Variants in IRF5 observed in about 807,000 individuals in gnomAD.
IRF5 encodes the protein interferon regulatory factor 5.
IRF5 carries 24 observed loss-of-function variants against 55.1 expected under a neutral mutation model. The ratio of observed to expected loss-of-function variants is 0.44; its 90% CI spans 0.32 to 0.61. The LOEUF (loss-of-function observed/expected upper bound fraction) is 0.61, where lower values mean the gene tolerates loss of function less well. Among genes scored for constraint, IRF5 ranks in the 20% least tolerant of loss-of-function variants. The pLI is 0.07. For missense variants in IRF5, 499 were observed against 658.5 expected (o/e 0.76, Z 2.65); for synonymous variants, 258 against 260.2 (o/e 0.99, Z 0.08).
intron 2 of IRF5, among the ~76,000 whole-genome samples, chr7:128,943,531 T>A (rs897493182): frequency 1.6e-5 from 2 of 125,550 alleles, no homozygotes; most frequent in Non-Finnish European, 3.2e-5. Flanking sequence ...CATGCCACCA[T>A]GCCCAGCTAA....
intron 2 of IRF5, among the ~76,000 whole-genome samples, chr7:128,945,633 G>A (rs1796257242): frequency 6.6e-6 from 1 of 152,220 alleles, no homozygotes; most frequent in Non-Finnish European, 1.5e-5. Flanking sequence ...GCATCTCATA[G>A]CCCCTAGATT....
At position 128,947,554 on chromosome 7, in the gene IRF5, G is replaced by GC. The variant is rs750973385; in HGVS notation, c.787+20dup. ...CTGCCTCGTAAGGACCCATGGCTGG[G>GC]CACGGGGAAGCAGTGCTGGGGGATT... On this transcript the variant is annotated intron_variant, in intron 6 of 8. Transcript: ENST00000357234. This position sits in a 1 kb window ranked among gnomAD's most constrained non-coding sequence, Gnocchi z 6.5. 5 of 1,534,882 alleles carry GC rather than the reference G, an allele frequency of 3.3e-6. No homozygotes were observed. Among genetic ancestry groups the GC allele is most frequent in the Non-Finnish European group, 4.4e-6 (5 of 1,149,052 alleles).
At chr7:128,938,812 G>C (rs1282312650) in intron 1 of IRF5, among the ~76,000 whole-genome samples, 1 of 152,086 alleles carries the variant, frequency 6.6e-6, no homozygotes, top group Non-Finnish European at 1.5e-5. Flanking sequence ...GGGATGCGTG[G>C]GGAGATGGTT....
At chr7:128,945,766 T>G (rs1409217595) in intron 2 of IRF5, 79 bp from the exon 3 acceptor site, 9 of 1,363,420 alleles carry the variant, frequency 6.6e-6, no homozygotes, top group Non-Finnish European at 8.0e-6. Flanking sequence ...CACAGTAGAG[T>G]CTCCTATGGG....
At chr7:128,938,429 T>C (rs74317073) in intron 1 of IRF5, among the ~76,000 whole-genome samples, 6,934 of 152,060 alleles carry the variant, frequency 0.046, 219 homozygotes, top group Middle Eastern at 0.1. Context: ...AGAATGGGGG[T>C]TCCCGGGAGC....
chr7:128,948,456 A>G lies in IRF5; in HGVS notation c.1300-117A>G. 6.7e-7 allele frequency: 1 copy of G among 1,494,288 alleles called. No individual in the cohort carries two copies. The highest frequency in any genetic ancestry group is 9.1e-7 in the Non-Finnish European group (1 of 1,096,776). 92.6% of individuals were successfully genotyped at this position (1,494,288 alleles called of 1,614,324 possible). A position where few individuals can be genotyped will look rare whatever the true frequency, so the allele number is the denominator to read the frequency against. ...TGAACTTGGCGGCCAGAGACCATCA[A>G]GGCTCAGAGCCGGAGAATGCGGTCT... On this transcript the variant is annotated intron_variant, in intron 8 of 8. Transcript: ENST00000357234. This position sits in a 1 kb window ranked among gnomAD's most constrained non-coding sequence, Gnocchi z 4.6.
At position 128,946,014 on chromosome 7, in the gene IRF5, C is replaced by G. The variant is rs748258245; in HGVS notation, c.365C>G (p.Ser122Cys). Residue 122 changes from serine to cysteine, a missense_variant, in exon 3 of 9, where the codon TCC becomes TGC. By Grantham distance (112) the Ser-to-Cys change is moderately radical. This residue lies in a region of IRF5 where 305 missense variants were observed against 340.2 expected (regional missense o/e 0.90). Coordinates refer to ENST00000357234, the MANE Select transcript of IRF5 (RefSeq NM_001098629.3). The surrounding 1 kb of genome is among the most constrained non-coding windows in gnomAD (Gnocchi z 4.2). ...PQPYKIYEVCSNGPAPTDSQP... is the reference protein window; with the variant it reads ...PQPYKIYEVCCNGPAPTDSQP... Reference sequence around the variant, plus strand: ...CCCTACAAGATCTACGAGGTCTGCTCCAATGGCCCTGCTCCCACAGGTATC... The same window carrying G: ...CCCTACAAGATCTACGAGGTCTGCTGCAATGGCCCTGCTCCCACAGGTATC... 9 of 1,606,378 alleles carry G rather than the reference C, an allele frequency of 5.6e-6. No homozygotes were observed. The Admixed American group carries it at 1.0e-4, about 19-fold the overall frequency.
chr7:128,939,936 T>C (rs890694710), intron 1 of IRF5, among the ~76,000 whole-genome samples: 5 of 152,222 alleles, frequency 3.3e-5, no homozygotes, highest in African/African-American at 7.2e-5. Context: ...TGGGCCTTGA[T>C]TGGGGTGGTC....
chr7:128,948,852 T>A lies in IRF5; in HGVS notation c.*34T>A, dbSNP rs1284701216. 6.3e-7 allele frequency: 1 copy of A among 1,587,766 alleles called. No homozygotes were observed. Among genetic ancestry groups the A allele is most frequent in the East Asian group, 2.2e-5 (1 of 44,714 alleles). ...CAGACGGTGACTGGCCCTGGCTTCCTGGGTGGCGGTGCGGACTGATGTGGA... is the reference window on the plus strand; with the variant it reads ...CAGACGGTGACTGGCCCTGGCTTCCAGGGTGGCGGTGCGGACTGATGTGGA... On this transcript the variant is annotated 3_prime_UTR_variant, in exon 9 of 9. Transcript: ENST00000357234. The surrounding 1 kb of genome is among the most constrained non-coding windows in gnomAD (Gnocchi z 4.6).
At position 128,949,778 on chromosome 7, in the gene IRF5, T is replaced by G. The variant is rs1487603828; in HGVS notation, c.*960T>G. The G allele has an allele frequency of 6.6e-6, 1 of 152,208 alleles. No individual in the cohort carries two copies. Among genetic ancestry groups the G allele is most frequent in the African/African-American group, 2.4e-5 (1 of 41,452 alleles). 9.4% of individuals were successfully genotyped at this position (152,208 alleles called of 1,614,324 possible). ...GGGCAGTGCATGTAAATCATCCTGA[T>G]ATATTTAATATATTTATTATATTGT... On this transcript the variant is annotated 3_prime_UTR_variant, in exon 9 of 9. Transcript: ENST00000357234.
Position 128,948,992 on chromosome 7 carries a change from G to C in IRF5, c.*174G>C. On this transcript the variant is annotated 3_prime_UTR_variant, in exon 9 of 9. Transcript: ENST00000357234. The surrounding 1 kb of genome is among the most constrained non-coding windows in gnomAD (Gnocchi z 4.6). ...GAAAGGCCCGAGCCCCTGCCTTCCC[G>C]GGCCTTTCTCTCCTGGGCTGTCTCT... 1.4e-6 allele frequency: 1 copy of C among 732,758 alleles called. No homozygotes were observed. Among genetic ancestry groups the C allele is most frequent in the Non-Finnish European group, 2.2e-6 (1 of 458,526 alleles). The allele number at this position is 732,758 out of a possible 1,614,324, so 45.4% of individuals were successfully genotyped here.
chr7:128,948,779 C>A lies in IRF5; in HGVS notation c.1506C>A (p.Gly502=). Residue 502 remains glycine, a synonymous_variant, in exon 9 of 9, where the codon GGC becomes GGA. Coordinates refer to ENST00000357234, the MANE Select transcript of IRF5 (RefSeq NM_001098629.3). The surrounding 1 kb of genome is among the most constrained non-coding windows in gnomAD (Gnocchi z 4.6). ...QAPPGAGLGV[G]QGPWPMHPAG... ...CTCCTGGAGCAGGCCTTGGTGTTGG[C>A]CAGGGGCCCTGGCCTATGCACCCAG... The A allele has an allele frequency of 6.2e-7, 1 of 1,609,222 alleles. No homozygotes were observed. The highest frequency in any genetic ancestry group is 8.5e-7 in the Non-Finnish European group (1 of 1,180,008).
chr7:128,942,493 C>T (rs1292413097), intron 2 of IRF5, among the ~76,000 whole-genome samples: 1 of 151,748 alleles, frequency 6.6e-6, no homozygotes, highest in Non-Finnish European at 1.5e-5. Flanking sequence ...CGCTCTGTAG[C>T]CCAGGCTGGA....
chr7:128,945,774 G>A lies in IRF5; in HGVS notation c.196-71G>A, dbSNP rs566908902. ...CTCCCCACACAGTAGAGTCTCCTAT[G>A]GGACAGGAGGCAGACTGGGGCTGTG... is the stretch of plus-strand genomic sequence containing the variant. On this transcript the variant is annotated intron_variant, in intron 2 of 8. Coordinates refer to ENST00000357234, the MANE Select transcript of IRF5 (RefSeq NM_001098629.3). 280 of 1,438,988 alleles carry A rather than the reference G, an allele frequency of 1.9e-4. 1 individual carries two copies. In the East Asian group the frequency reaches 5.6e-3, roughly 29 times the overall value. 89.1% of individuals were successfully genotyped at this position (1,438,988 alleles called of 1,614,324 possible). A position where few individuals can be genotyped will look rare whatever the true frequency, so the allele number is the denominator to read the frequency against.
At position 128,948,099 on chromosome 7, in the gene IRF5, C is replaced by T. The variant is rs200270931; in HGVS notation, c.1158C>T (p.Phe386=). ...PIQREVKTKL[F]SLEHFLNELI... ...AGCGGGAGGTCAAGACCAAGCTTTT[C>T]AGCCTGGAGCATTTTCTCAATGGTG... Residue 386 remains phenylalanine, a synonymous_variant, in exon 7 of 9, where the codon TTC becomes TTT. Coordinates refer to ENST00000357234, the MANE Select transcript of IRF5 (RefSeq NM_001098629.3). This position sits in a 1 kb window ranked among gnomAD's most constrained non-coding sequence, Gnocchi z 4.6. 17 of 1,613,948 alleles carry T rather than the reference C, an allele frequency of 1.1e-5. No individual in the cohort carries two copies. The highest frequency in any genetic ancestry group is 2.7e-5 in the African/African-American group (2 of 75,038).
rs1388094976 is a variant in IRF5, at chr7:128,938,694, G to C, written c.-12+645G>C. On this transcript the variant is annotated intron_variant, in intron 1 of 8. Coordinates refer to ENST00000357234, the MANE Select transcript of IRF5 (RefSeq NM_001098629.3). ...TCTCGTCCCCCGAGCAGCGGAAAAG[G>C]ATGGGGCGCAATAGTTCCTGGGCTG... Among the ~76,000 whole-genome samples the C allele has an allele frequency of 2.6e-5, 4 of 152,198 alleles. No individual in the cohort carries two copies. The East Asian group carries it at 7.7e-4, about 29-fold the overall frequency.
Position 128,948,918 on chromosome 7 carries a change from C to T in IRF5, c.*100C>T. 2 of 1,430,222 alleles carry T rather than the reference C, an allele frequency of 1.4e-6. No homozygotes were observed. Among genetic ancestry groups the T allele is most frequent in the Non-Finnish European group, 1.9e-6 (2 of 1,064,864 alleles). 88.6% of individuals were successfully genotyped at this position (1,430,222 alleles called of 1,614,324 possible). ...ATGAGCACCTGGCTGGCTGCAGGGT[C>T]CTACCTCTGGGTTTCCTGGAAGTGG... On this transcript the variant is annotated 3_prime_UTR_variant, in exon 9 of 9. Transcript: ENST00000357234. The surrounding 1 kb of genome is among the most constrained non-coding windows in gnomAD (Gnocchi z 4.6).
chr7:128,941,641 G>A (rs931942056), intron 1 of IRF5, among the ~76,000 whole-genome samples: 1 of 152,146 alleles, frequency 6.6e-6, no homozygotes, highest in Non-Finnish European at 1.5e-5. Context: ...CCCACAGAGC[G>A]CTCGCTGTCC....
chr7:128,945,790 T>G (rs1341961576), intron 2 of IRF5, 55 bp from the exon 3 acceptor site: 1 of 1,548,582 alleles, frequency 6.5e-7, no homozygotes, highest in East Asian at 2.3e-5. Context: ...GGAGGCAGAC[T>G]GGGGCTGTGG....
Sources: allele counts gnomAD v4.1 joint callset (sites outside exome capture counted in the v4.1 genomes callset), GRCh38; gene constraint gnomAD v4.1.1; regional missense constraint gnomAD v4.1.1; non-coding constraint Gnocchi (gnomAD v3.1); transcripts MANE v1.5; gene names NCBI Gene and HGNC (gene_info 2026-07-23, HGNC 2026-07-21).